KCNH8: variants seen among roughly 807,000 people sequenced by gnomAD.
KCNH8 encodes the protein voltage-gated delayed rectifier potassium channel KCNH8.
In KCNH8, 70 loss-of-function variants were observed where a neutral mutation model predicts 103.6. The observed-to-expected ratio is 0.68, with a 90% CI of 0.56 to 0.82. KCNH8 has a LOEUF of 0.82. Ranked by LOEUF, KCNH8 falls within the 40% of genes least tolerant of loss-of-function variation. The pLI is 0.00. For missense variants in KCNH8, 1,217 were observed against 1,329.9 expected, an observed-to-expected ratio of 0.92 and a Z score of 1.32; for synonymous variants, 498 against 489.4, an observed-to-expected ratio of 1.02 and a Z score of -0.23.
chr3:19,376,160 A>T (rs1405248348), intron 5 of KCNH8, among the ~76,000 whole-genome samples: 2 of 152,166 alleles, frequency 1.3e-5, no homozygotes, highest in African/African-American at 4.8e-5. Context: ...TTGTTTACCT[A>T]AGCAAGCCTG....
At chr3:19,519,853 C>CTATATCTTAGTTCAAATA (rs1277360007) in intron 15 of KCNH8, among the ~76,000 whole-genome samples, 3 of 151,668 alleles carry the variant, frequency 2.0e-5, no homozygotes, top group Admixed American at 6.6e-5. Context: ...ACTGACTGAC[C>CTATATCTTAGTTCAAATA]TATATCTTAG....
At chr3:19,157,641 G>T (rs995156253) in intron 1 of KCNH8, among the ~76,000 whole-genome samples, 2 of 151,966 alleles carry the variant, frequency 1.3e-5, no homozygotes, top group Non-Finnish European at 2.9e-5. Context: ...GTCATCACTT[G>T]AATTGTTTTC....
rs141175574 is a variant in KCNH8, at chr3:19,334,489, C to G, written c.443-8098C>G. ...GCTTAATTTGTGGCCATTTGCATTT[C>G]AAACCTTTTAATAATGATTACATAT... On this transcript the variant is annotated intron_variant, in intron 3 of 15. Coordinates refer to ENST00000328405, the MANE Select transcript of KCNH8 (RefSeq NM_144633.3). Among the ~76,000 whole-genome samples the G allele has an allele frequency of 9.2e-5, 14 of 152,084 alleles. No individual in the cohort carries two copies. The East Asian group carries it at 2.5e-3, about 27-fold the overall frequency.
chr3:19,290,336 G>A (rs1170959288), intron 3 of KCNH8, among the ~76,000 whole-genome samples: 1 of 152,148 alleles, frequency 6.6e-6, no homozygotes, highest in African/African-American at 2.4e-5. Context: ...TTTTCAAAGG[G>A]AATGCTTCCA....
chr3:19,450,377 G>A, intron 9 of KCNH8, 72 bp downstream of exon 9: 1 of 1,188,996 alleles, frequency 8.4e-7, no homozygotes, highest in Non-Finnish European at 1.3e-6. Flanking sequence ...ATGTTCTAAT[G>A]CAGGTATCAG....
At chr3:19,379,630 C>T (rs1374133908) in intron 5 of KCNH8, among the ~76,000 whole-genome samples, 1 of 149,894 alleles carries the variant, frequency 6.7e-6, no homozygotes, top group Non-Finnish European at 1.5e-5. Context: ...CAGAGCAACA[C>T]TCTGTCTCAA....
At chr3:19,363,114 C>T (rs1000632384) in intron 5 of KCNH8, among the ~76,000 whole-genome samples, 7 of 152,212 alleles carry the variant, frequency 4.6e-5, no homozygotes, top group Non-Finnish European at 5.9e-5. Flanking sequence ...CTTAAAGGAG[C>T]GGAGGCTTTT....
At chr3:19,520,642 ATTCT>A (rs577663846) in intron 15 of KCNH8, among the ~76,000 whole-genome samples, 14 of 152,058 alleles carry the variant, frequency 9.2e-5, no homozygotes, top group African/African-American at 2.9e-4. Context: ...TGATTGCTTT[ATTCT>A]TTGTTTTTGC....
At chr3:19,196,339 C>G (rs557777810) in intron 1 of KCNH8, among the ~76,000 whole-genome samples, 7 of 152,046 alleles carry the variant, frequency 4.6e-5, no homozygotes, top group Non-Finnish European at 8.8e-5. Context: ...AAAGTGACAT[C>G]TAATCCCATG....
intron 1 of KCNH8, among the ~76,000 whole-genome samples, chr3:19,156,721 C>G (rs755216785): frequency 2.0e-5 from 3 of 152,012 alleles, no homozygotes; most frequent in Non-Finnish European, 4.4e-5. Context: ...TGAGGTTAAT[C>G]TGTCTGTGAA....
chr3:19,285,983 T>C (rs1337584309), intron 3 of KCNH8, among the ~76,000 whole-genome samples: 1 of 152,194 alleles, frequency 6.6e-6, no homozygotes, highest in Non-Finnish European at 1.5e-5. Flanking sequence ...AAAGATGATT[T>C]GTGTGTGGAG....
intron 3 of KCNH8, among the ~76,000 whole-genome samples, chr3:19,289,148 T>G (rs1222900868): frequency 6.6e-6 from 1 of 152,080 alleles, no homozygotes; most frequent in Non-Finnish European, 1.5e-5. Flanking sequence ...ATGAGTAGAT[T>G]GCAAAAATTT....
At chr3:19,320,267 C>G (rs1026307968) in intron 3 of KCNH8, among the ~76,000 whole-genome samples, 1 of 152,024 alleles carries the variant, frequency 6.6e-6, no homozygotes, top group Admixed American at 6.6e-5. Flanking sequence ...TCAACTTTTA[C>G]ACTTTCAGTA....
chr3:19,266,111 T>C (rs1250119132), intron 2 of KCNH8, among the ~76,000 whole-genome samples: 1 of 152,066 alleles, frequency 6.6e-6, no homozygotes, highest in African/African-American at 2.4e-5. Context: ...TGCTACTGTC[T>C]TATGACAGAG....
chr3:19,318,945 A>G (rs1409612625), intron 3 of KCNH8, among the ~76,000 whole-genome samples: 1 of 151,770 alleles, frequency 6.6e-6, no homozygotes, highest in South Asian at 2.1e-4. Context: ...GGCCATTTGT[A>G]TATCTTCTTT....
intron 7 of KCNH8, among the ~76,000 whole-genome samples, chr3:19,437,334 GATA>G (rs1248545287): frequency 1.3e-5 from 2 of 152,154 alleles, no homozygotes; most frequent in Admixed American, 6.5e-5. Context: ...TTAAATTCTA[GATA>G]ATATTATTAA....
At chr3:19,411,093 T>G (rs1233338174) in intron 7 of KCNH8, among the ~76,000 whole-genome samples, 1 of 152,008 alleles carries the variant, frequency 6.6e-6, no homozygotes, top group Non-Finnish European at 1.5e-5. Flanking sequence ...ATATCCCTGA[T>G]GAACATAGAA....
At chr3:19,344,683 G>C (rs1292171190) in intron 4 of KCNH8, among the ~76,000 whole-genome samples, 1 of 151,976 alleles carries the variant, frequency 6.6e-6, no homozygotes, top group Non-Finnish European at 1.5e-5. Context: ...AGGGAGAAGA[G>C]GAAATGACTT....
intron 11 of KCNH8, among the ~76,000 whole-genome samples, chr3:19,478,368 C>A (rs1212339092): frequency 6.6e-6 from 1 of 152,024 alleles, no homozygotes; most frequent in African/African-American, 2.4e-5. Context: ...TACTCTTTTT[C>A]ATAAAGCTTG....
Sources: allele counts gnomAD v4.1 joint callset (sites outside exome capture counted in the v4.1 genomes callset), GRCh38; gene constraint gnomAD v4.1.1; transcripts MANE v1.5; gene names NCBI Gene and HGNC (gene_info 2026-07-23, HGNC 2026-07-21).